Variants in IL1RAPL2 observed in about 807,000 individuals in gnomAD.
IL1RAPL2 encodes X-linked interleukin-1 receptor accessory protein-like 2.
IL1RAPL2 carries 3 observed loss-of-function variants against 44.1 expected under a neutral mutation model. The ratio of observed to expected loss-of-function variants is 0.07; its 90% CI spans 0.03 to 0.18. The LOEUF is 0.18. Among genes scored for constraint, IL1RAPL2 ranks in the 10% least tolerant of loss-of-function variants. IL1RAPL2 has a pLI of 1.00. For synonymous variants in IL1RAPL2, 181 were observed against 178.8 expected (o/e 1.01, Z -0.10); for missense variants, 391 against 496.4 (o/e 0.79, Z 2.02).
intron 2 of IL1RAPL2, among the ~76,000 whole-genome samples, chrX:105,008,158 T>C (rs958303633): frequency 1.8e-5 from 2 of 110,823 alleles, no homozygotes; most frequent in Non-Finnish European, 3.8e-5. Context: ...GATCATCCTA[T>C]AGCAGAAGGT....
rs369779429 is a variant in IL1RAPL2 at position 105,058,094 on chromosome X, G to A, written c.83-137381G>A. Among the ~76,000 whole-genome samples, 91 of 107,983 alleles carry A rather than the reference G, an allele frequency of 8.4e-4. No individual in the cohort carries two copies. The South Asian group carries it at 0.035, about 41-fold the overall frequency. 93.8% of individuals were successfully genotyped at this position (107,983 alleles called of 115,157 possible). A position where few individuals can be genotyped will look rare whatever the true frequency, so the allele number is the denominator to read the frequency against. ...CTCCCGAGTAGCTGGGACTACAGGCGCCTGCCACCACGCCCGGCTATTTTT... is the reference window on the plus strand; with the variant it reads ...CTCCCGAGTAGCTGGGACTACAGGCACCTGCCACCACGCCCGGCTATTTTT... On this transcript the variant is annotated intron_variant, in intron 2 of 10. Coordinates refer to ENST00000372582, the MANE Select transcript of IL1RAPL2 (RefSeq NM_017416.2).
At chrX:104,836,760 C>T (rs975555200) in intron 2 of IL1RAPL2, among the ~76,000 whole-genome samples, 1 of 111,000 alleles carries the variant, frequency 9.0e-6, no homozygotes, top group African/African-American at 3.3e-5. Flanking sequence ...CTGGGATACA[C>T]GTGCAAAGTG....
At chrX:105,090,548 T>G (rs1296302209) in intron 2 of IL1RAPL2, among the ~76,000 whole-genome samples, 1 of 112,144 alleles carries the variant, frequency 8.9e-6, no homozygotes, top group African/African-American at 3.2e-5. Context: ...AGAAAAAAAC[T>G]GTGGGACACT....
intron 2 of IL1RAPL2, among the ~76,000 whole-genome samples, chrX:104,894,956 G>A (rs1028804858): frequency 8.9e-5 from 10 of 112,323 alleles, no homozygotes; most frequent in African/African-American, 3.2e-4. Context: ...ATGTTCAGAT[G>A]GGGATTCTGT....
chrX:105,159,963 G>T (rs902134949), intron 2 of IL1RAPL2, among the ~76,000 whole-genome samples: 2 of 103,096 alleles, frequency 1.9e-5, no homozygotes, highest in Non-Finnish European at 3.9e-5. Flanking sequence ...CTAATAATTA[G>T]ATACAGCTGA....
At chrX:105,746,922 T>C (rs1246304290) in intron 8 of IL1RAPL2, among the ~76,000 whole-genome samples, 1 of 111,905 alleles carries the variant, frequency 8.9e-6, no homozygotes, top group Non-Finnish European at 1.9e-5. Context: ...TCAAGTCAAT[T>C]AATGCCCCAA....
intron 2 of IL1RAPL2, among the ~76,000 whole-genome samples, chrX:104,879,874 C>T (rs753360053): frequency 9.0e-5 from 10 of 110,976 alleles, no homozygotes; most frequent in African/African-American, 3.3e-4. Context: ...GTGAGAAGTA[C>T]TCTAAATTAC....
chrX:105,524,135 A>G (rs2036579740), intron 6 of IL1RAPL2, among the ~76,000 whole-genome samples: 1 of 111,816 alleles, frequency 8.9e-6, no homozygotes, highest in Non-Finnish European at 1.9e-5. Context: ...TGAGCAAGAA[A>G]TAGAGGAAAG....
chrX:105,593,061 A>T lies in IL1RAPL2; in HGVS notation c.772+108674A>T, dbSNP rs184551749. 2.6e-3 allele frequency among the ~76,000 whole-genome samples: 295 copies of T among 111,921 alleles called. 2 individuals are homozygous for T. The highest frequency in any genetic ancestry group is 9.1e-3 in the African/African-American group (280 of 30,837). On this transcript the variant is annotated intron_variant, in intron 6 of 10. Coordinates refer to ENST00000372582, the MANE Select transcript of IL1RAPL2 (RefSeq NM_017416.2). ...TGCTTTGTCTCCTTCTCTTTCAGGG[A>T]TGCCAACAATTCGTAGATTTGGCCT...
chrX:104,846,934 T>C (rs1395150115), intron 2 of IL1RAPL2, among the ~76,000 whole-genome samples: 2 of 112,455 alleles, frequency 1.8e-5, no homozygotes, highest in East Asian at 5.6e-4. Flanking sequence ...GATTTGCATT[T>C]CTCTGATGGC....
chrX:104,901,367 C>T (rs748257170), intron 2 of IL1RAPL2, among the ~76,000 whole-genome samples: 9 of 108,035 alleles, frequency 8.3e-5, no homozygotes, highest in South Asian at 8.4e-4. Flanking sequence ...CCTGCCACCA[C>T]GCCTGGCTAA....
chrX:105,674,937 T>G (rs867257156), intron 6 of IL1RAPL2, among the ~76,000 whole-genome samples: 2 of 109,088 alleles, frequency 1.8e-5, no homozygotes, highest in South Asian at 4.0e-4. Flanking sequence ...GAAGGGGGGG[T>G]TCCTTCATGA....
intron 5 of IL1RAPL2, among the ~76,000 whole-genome samples, chrX:105,297,643 G>C (rs748118084): frequency 2.3e-4 from 25 of 110,761 alleles, no homozygotes; most frequent in African/African-American, 7.9e-4. Context: ...GAACAGGGTG[G>C]GGGAAACTGC....
At chrX:105,257,872 G>A (rs113589198) in intron 4 of IL1RAPL2, among the ~76,000 whole-genome samples, 6 of 111,499 alleles carry the variant, frequency 5.4e-5, no homozygotes, top group Non-Finnish European at 1.1e-4. Context: ...TGGGTCTTGC[G>A]TTTTTATCCA....
chrX:105,657,378 C>T (rs2037684209), intron 6 of IL1RAPL2, among the ~76,000 whole-genome samples: 1 of 111,951 alleles, frequency 8.9e-6, no homozygotes, highest in South Asian at 3.7e-4. Flanking sequence ...TATAAGTGTT[C>T]TGTTTAATTT....
intron 2 of IL1RAPL2, among the ~76,000 whole-genome samples, chrX:104,973,464 A>G: frequency 8.9e-6 from 1 of 111,829 alleles, no homozygotes; most frequent in Middle Eastern, 4.6e-3. Flanking sequence ...ACACTTTAGC[A>G]TCTGGCCACA....
intron 2 of IL1RAPL2, among the ~76,000 whole-genome samples, chrX:105,084,650 T>C (rs1193078997): frequency 8.9e-6 from 1 of 112,539 alleles, no homozygotes; most frequent in Non-Finnish European, 1.9e-5. Flanking sequence ...GGACTAGTGT[T>C]GTCTCAGATG....
intron 2 of IL1RAPL2, among the ~76,000 whole-genome samples, chrX:104,672,342 C>T (rs762725891): frequency 0.019 from 2,098 of 109,895 alleles, 21 homozygotes; most frequent in Middle Eastern, 0.038. Context: ...TGAGAATATG[C>T]GGTGTTTGGT....
chrX:105,458,234 A>G (rs893665768), intron 5 of IL1RAPL2, among the ~76,000 whole-genome samples: 1 of 111,357 alleles, frequency 9.0e-6, no homozygotes, highest in African/African-American at 3.3e-5. Context: ...TACCATTACC[A>G]GGTTTGCAAA....
Sources: gnomAD v4.1 joint callset for allele counts (sites outside exome capture counted in the v4.1 genomes callset) on GRCh38, gnomAD v4.1.1 for gene constraint, MANE v1.5 for transcripts, NCBI Gene and HGNC (gene_info 2026-07-23, HGNC 2026-07-21) for gene names.